Variants in CCND3 observed in about 807,000 individuals in gnomAD.
CCND3 encodes cyclin D3.
In CCND3, 9 loss-of-function variants were observed where a neutral mutation model predicts 28.7. The observed-to-expected ratio is 0.31, with a 90% CI of 0.19 to 0.55. The LOEUF is 0.55. Among genes scored for constraint, CCND3 ranks in the 20% least tolerant of loss-of-function variants. The pLI is 0.93. For synonymous variants in CCND3, 164 were observed against 163.9 expected (o/e 1.00, Z 0.00); for missense variants, 315 against 385.8 (o/e 0.82, Z 1.54).
chr6:42,000,519 C>A (rs540816924), intron 1 of CCND3, among the ~76,000 whole-genome samples: 86 of 148,894 alleles, frequency 5.8e-4, no homozygotes, highest in African/African-American at 2.0e-3. Context: ...TGAGCCACCG[C>A]GCCCGGCCTG....
At chr6:41,976,634 C>A (rs776622354) in intron 1 of CCND3, among the ~76,000 whole-genome samples, 2 of 152,058 alleles carry the variant, frequency 1.3e-5, no homozygotes, top group African/African-American at 2.4e-5. Flanking sequence ...CAGAGGAAGA[C>A]CCCCATCACT....
intron 1 of CCND3, chr6:41,940,943 T>C: frequency 6.2e-7 from 1 of 1,612,106 alleles, no homozygotes; most frequent in East Asian, 2.2e-5. Context: ...CCGCCACCAC[T>C]GCACACACCC....
At chr6:41,979,621 G>GTC (rs71544259) in intron 1 of CCND3, among the ~76,000 whole-genome samples, 17 of 142,396 alleles carry the variant, frequency 1.2e-4, no homozygotes, top group African/African-American at 4.5e-4. Flanking sequence ...ATCTCTCTCT[G>GTC]TCTCTCTCTC....
intron 1 of CCND3, among the ~76,000 whole-genome samples, chr6:41,975,695 C>T (rs920742370): frequency 1.7e-4 from 25 of 150,938 alleles, no homozygotes; most frequent in Admixed American, 1.6e-3. Context: ...TTCCAGGCCA[C>T]GCCAGGCTAC....
chr6:42,010,351 G>T (rs1763305478), intron 1 of CCND3, among the ~76,000 whole-genome samples: 1 of 152,178 alleles, frequency 6.6e-6, no homozygotes. Context: ...CTGCAGCATG[G>T]AGGACAGAGT....
intron 1 of CCND3, among the ~76,000 whole-genome samples, chr6:41,974,531 C>T (rs1030987749): frequency 1.3e-5 from 2 of 152,102 alleles, no homozygotes; most frequent in African/African-American, 4.8e-5. Flanking sequence ...TGCCTTTGAA[C>T]TTGACTGGAA....
intron 1 of CCND3, among the ~76,000 whole-genome samples, chr6:41,974,404 TATC>T (rs1274834010): frequency 6.6e-6 from 1 of 151,774 alleles, no homozygotes; most frequent in Non-Finnish European, 1.5e-5. Flanking sequence ...TGGCAGGGGG[TATC>T]ATCATCATCA....
At chr6:42,039,650 TG>T (rs1358792381) in intron 1 of CCND3, among the ~76,000 whole-genome samples, 1 of 152,218 alleles carries the variant, frequency 6.6e-6, no homozygotes, top group Non-Finnish European at 1.5e-5. Flanking sequence ...AGGAAAAGCT[TG>T]TTTGCACCAT....
chr6:42,034,688 C>T (rs903576839), intron 1 of CCND3, among the ~76,000 whole-genome samples: 1 of 151,066 alleles, frequency 6.6e-6, no homozygotes, highest in Admixed American at 6.6e-5. Flanking sequence ...CCGTCTTGGC[C>T]AGGATGGTCT....
At chr6:42,034,190 C>T (rs1021905152) in intron 1 of CCND3, among the ~76,000 whole-genome samples, 1 of 151,328 alleles carries the variant, frequency 6.6e-6, no homozygotes, top group Admixed American at 6.6e-5. Flanking sequence ...TCTTGTTGCC[C>T]AGGCTGGAGT....
At chr6:41,975,608 G>C (rs1762156110) in intron 1 of CCND3, among the ~76,000 whole-genome samples, 1 of 152,060 alleles carries the variant, frequency 6.6e-6, no homozygotes, top group African/African-American at 2.4e-5. Context: ...AATCCCAAGG[G>C]GACTTACTTG....
intron 1 of CCND3, among the ~76,000 whole-genome samples, chr6:42,003,162 C>CAAAAAAAAAAAAA (rs55721061): frequency 0.019 from 2,127 of 109,290 alleles, 40 homozygotes; most frequent in African/African-American, 0.041. Context: ...AACAGCGTGT[C>CAAAAAAAAAAAAA]AAAAAAAAAA....
intron 1 of CCND3, among the ~76,000 whole-genome samples, chr6:42,030,839 G>A (rs1764021333): frequency 2.0e-5 from 3 of 152,156 alleles, no homozygotes; most frequent in Non-Finnish European, 4.4e-5. Flanking sequence ...GGGGACTGGG[G>A]GAAGGAAGGC....
chr6:42,003,510 A>G (rs1453918615), intron 1 of CCND3, among the ~76,000 whole-genome samples: 1 of 125,750 alleles, frequency 8.0e-6, no homozygotes, highest in African/African-American at 3.0e-5. Context: ...GGGCAACCAG[A>G]GTGAGACTCT....
At chr6:42,022,361 T>C (rs529668833) in intron 1 of CCND3, among the ~76,000 whole-genome samples, 6 of 152,232 alleles carry the variant, frequency 3.9e-5, no homozygotes, top group African/African-American at 1.4e-4. Flanking sequence ...GGATCCCAGG[T>C]TGGTAAAGAA....
At chr6:41,956,904 G>A (rs1776452552) in intron 1 of CCND3, among the ~76,000 whole-genome samples, 2 of 152,038 alleles carry the variant, frequency 1.3e-5, no homozygotes, top group Non-Finnish European at 1.5e-5. Context: ...GGTGGCAGGC[G>A]CCTGTATTCC....
At chr6:41,964,747 T>A (rs1761838205) in intron 1 of CCND3, among the ~76,000 whole-genome samples, 1 of 152,044 alleles carries the variant, frequency 6.6e-6, no homozygotes, top group African/African-American at 2.4e-5. Context: ...CAGAGGGCTG[T>A]TACAGGGTTT....
rs1264502383 is a variant in CCND3, at chr6:42,048,645, A to G, written c.-190T>C. The G allele has an allele frequency of 1.9e-6, 1 of 518,342 alleles. No homozygotes were observed. Among genetic ancestry groups the G allele is most frequent in the Non-Finnish European group, 3.9e-6 (1 of 259,644 alleles). The allele number at this position is 518,342 out of a possible 1,614,324, so 32.1% of individuals were successfully genotyped here. A position where few individuals can be genotyped will look rare whatever the true frequency, so the allele number is the denominator to read the frequency against. On this transcript the variant is annotated 5_prime_UTR_variant, in exon 1 of 5. Coordinates refer to the CCND3 transcript ENST00000372988. This position sits in a 1 kb window ranked among gnomAD's most constrained non-coding sequence, Gnocchi z 4.7. ...ATTGCACCTCTCCCCCCCGGCCGGC[A>G]TCCGAACAGAGCCAGTCTCCACCCC...
At chr6:41,957,752 T>C (rs978947200) in intron 1 of CCND3, among the ~76,000 whole-genome samples, 1 of 152,216 alleles carries the variant, frequency 6.6e-6, no homozygotes, top group Non-Finnish European at 1.5e-5. Context: ...GCTCAGGCAA[T>C]TCCCCTGTTT....
Sources: allele counts gnomAD v4.1 joint callset (sites outside exome capture counted in the v4.1 genomes callset), GRCh38; gene constraint gnomAD v4.1.1; non-coding constraint Gnocchi (gnomAD v3.1); transcripts MANE v1.5; gene names NCBI Gene and HGNC (gene_info 2026-07-23, HGNC 2026-07-21).